Variants in DLG2 observed in about 807,000 individuals in gnomAD.
DLG2 encodes disks large homolog 2.
A neutral mutation model predicts 132.5 loss-of-function variants in DLG2; 45 were observed. That is an observed-to-expected ratio of 0.34 (90% CI 0.27 to 0.44). The LOEUF is 0.44. DLG2 is among the 20% of genes least tolerant of loss of function. DLG2 has a pLI of 1.00. For missense variants in DLG2, 1,045 were observed against 1,196.9 expected, an observed-to-expected ratio of 0.87 and a Z score of 1.87; for synonymous variants, 424 against 419.6, an observed-to-expected ratio of 1.01 and a Z score of -0.13.
intron 5 of DLG2, among the ~76,000 whole-genome samples, chr11:85,149,867 C>T (rs969611149): frequency 1.3e-5 from 2 of 151,974 alleles, no homozygotes; most frequent in Admixed American, 6.6e-5. Flanking sequence ...GACAGAATCC[C>T]TTTTAGCAGA....
At chr11:84,184,921 T>C (rs140248887) in intron 8 of DLG2, among the ~76,000 whole-genome samples, 3,156 of 152,330 alleles carry the variant, frequency 0.021, 106 homozygotes, top group African/African-American at 0.068. Flanking sequence ...TTCTGTTCCA[T>C]TCGTCTATAT....
intron 6 of DLG2, among the ~76,000 whole-genome samples, chr11:85,058,186 G>C (rs1000864574): frequency 2.0e-5 from 3 of 151,472 alleles, no homozygotes; most frequent in Non-Finnish European, 1.5e-5. Context: ...AGAAATGTAA[G>C]TGAATTTAGC....
At chr11:84,158,951 C>A (rs888824903) in intron 9 of DLG2, among the ~76,000 whole-genome samples, 2 of 152,164 alleles carry the variant, frequency 1.3e-5, no homozygotes, top group Non-Finnish European at 2.9e-5. Context: ...TCACAACGGC[C>A]TTATGGGGTA....
intron 3 of DLG2, among the ~76,000 whole-genome samples, chr11:85,320,413 T>C (rs886446805): frequency 6.6e-6 from 1 of 151,804 alleles, no homozygotes; most frequent in African/African-American, 2.4e-5. Flanking sequence ...TGCAGTCTCT[T>C]AATCAAAAAG....
At chr11:85,315,764 C>T in intron 3 of DLG2, among the ~76,000 whole-genome samples, 1 of 151,944 alleles carries the variant, frequency 6.6e-6, no homozygotes, top group East Asian at 1.9e-4. Context: ...ACGCTCAGTC[C>T]ACACAGGAGT....
intron 2 of DLG2, among the ~76,000 whole-genome samples, chr11:85,599,974 A>G (rs1314883524): frequency 6.6e-6 from 1 of 152,166 alleles, no homozygotes; most frequent in Non-Finnish European, 1.5e-5. Flanking sequence ...CTAAATACCA[A>G]TTATAATAAC....
chr11:84,447,725 A>T (rs1172299768), intron 7 of DLG2, among the ~76,000 whole-genome samples: 2 of 151,970 alleles, frequency 1.3e-5, no homozygotes, highest in Non-Finnish European at 2.9e-5. Context: ...GGCTTGCAGG[A>T]CCTCTTGTAA....
intron 6 of DLG2, among the ~76,000 whole-genome samples, chr11:84,654,367 A>C (rs574737740): frequency 6.6e-6 from 1 of 152,294 alleles, no homozygotes; most frequent in East Asian, 1.9e-4. Context: ...GCATTCATAA[A>C]TGTTTTCTTA....
At chr11:84,861,641 A>AAAC (rs1362380466) in intron 6 of DLG2, among the ~76,000 whole-genome samples, 3 of 50,350 alleles carry the variant, frequency 6.0e-5, no homozygotes, top group African/African-American at 2.8e-4. Flanking sequence ...AAAAAAAAAC[A>AAAC]AAAAAAAAAA....
intron 3 of DLG2, among the ~76,000 whole-genome samples, chr11:85,415,380 T>C (rs925196768): frequency 7.9e-5 from 12 of 152,228 alleles, no homozygotes; most frequent in African/African-American, 2.9e-4. Flanking sequence ...TACCCAGTAA[T>C]GGGACTGCTG....
chr11:84,097,563 T>G (rs150450648), intron 10 of DLG2, among the ~76,000 whole-genome samples: 1 of 152,198 alleles, frequency 6.6e-6, no homozygotes, highest in Non-Finnish European at 1.5e-5. Flanking sequence ...TCCATTGCAG[T>G]GAACCCTCTT....
At chr11:84,014,109 A>G (rs987311182) in intron 11 of DLG2, among the ~76,000 whole-genome samples, 1 of 152,000 alleles carries the variant, frequency 6.6e-6, no homozygotes, top group African/African-American at 2.4e-5. Context: ...TTTTTACCTA[A>G]CCCATTTATC....
chr11:85,471,203 G>T (rs933425995), intron 3 of DLG2, among the ~76,000 whole-genome samples: 1 of 152,146 alleles, frequency 6.6e-6, no homozygotes, highest in Non-Finnish European at 1.5e-5. Flanking sequence ...AAAAAATTGG[G>T]CAAGAAGAAC....
At chr11:84,017,287 C>A (rs927428895) in intron 11 of DLG2, among the ~76,000 whole-genome samples, 9 of 151,928 alleles carry the variant, frequency 5.9e-5, no homozygotes, top group Non-Finnish European at 1.2e-4. Flanking sequence ...CTTCTGCCTA[C>A]AAATTCACAG....
At chr11:83,485,890 T>C (rs983684065) in intron 21 of DLG2, among the ~76,000 whole-genome samples, 1 of 152,148 alleles carries the variant, frequency 6.6e-6, no homozygotes, top group Admixed American at 6.6e-5. Context: ...TAGTAGAAAC[T>C]TTCAGCAAAG....
chr11:84,989,803 C>A (rs958731786), intron 6 of DLG2, among the ~76,000 whole-genome samples: 3 of 152,000 alleles, frequency 2.0e-5, no homozygotes, highest in African/African-American at 2.4e-5. Flanking sequence ...AATGGAAACC[C>A]CTTATAGAAA....
chr11:84,431,278 A>T (rs2098983917), intron 7 of DLG2, among the ~76,000 whole-genome samples: 1 of 152,144 alleles, frequency 6.6e-6, no homozygotes, highest in Non-Finnish European at 1.5e-5. Context: ...CAGTGAGGAG[A>T]TCAAGGTCTA....
chr11:84,103,049 C>A (rs971082753), intron 9 of DLG2, among the ~76,000 whole-genome samples: 1 of 152,108 alleles, frequency 6.6e-6, no homozygotes, highest in Admixed American at 6.6e-5. Context: ...GGTCCCAAAG[C>A]ATCCCTGAAA....
intron 7 of DLG2, among the ~76,000 whole-genome samples, chr11:84,278,472 A>AT (rs10559001): frequency 6.6e-6 from 1 of 151,334 alleles, no homozygotes; most frequent in South Asian, 2.1e-4. Flanking sequence ...TTTCCAGATC[A>AT]TTTTTTTTTT....
Sources: gnomAD v4.1 joint callset for allele counts (sites outside exome capture counted in the v4.1 genomes callset) on GRCh38, gnomAD v4.1.1 for gene constraint, MANE v1.5 for transcripts, NCBI Gene and HGNC (gene_info 2026-07-23, HGNC 2026-07-21) for gene names.